PSD4: variants seen among roughly 807,000 people sequenced by gnomAD.
The protein encoded by PSD4 is pleckstrin and Sec7 domain containing 4.
Under a neutral mutation model 112.5 loss-of-function variants are expected in PSD4, and 59 were observed. The observed-to-expected ratio is 0.52, with a 90% CI of 0.43 to 0.65. The LOEUF is 0.65. PSD4 is among the 30% of genes least tolerant of loss of function. PSD4 has a pLI of 0.00. For missense variants in PSD4, 1,267 were observed against 1,352.6 expected (o/e 0.94, Z 0.99); for synonymous variants, 533 against 540.0 (o/e 0.99, Z 0.18).
intron 5 of PSD4, among the ~76,000 whole-genome samples, chr2:113,190,481 C>T (rs1162426534): frequency 6.6e-6 from 1 of 152,162 alleles, no homozygotes; most frequent in Non-Finnish European, 1.5e-5. Flanking sequence ...TGTTGCCCAG[C>T]CTGGAGTGTG....
At chr2:113,192,347 CTT>C (rs1322915200) in intron 5 of PSD4, 31 bp from the exon 6 acceptor site, 1 of 1,604,400 alleles carries the variant, frequency 6.2e-7, no homozygotes, top group East Asian at 2.2e-5. Flanking sequence ...TGCAAGAACA[CTT>C]GACCCAGAGC....
chr2:113,200,826 G>A (rs1688755821), intron 16 of PSD4, among the ~76,000 whole-genome samples: 1 of 152,166 alleles, frequency 6.6e-6, no homozygotes, highest in African/African-American at 2.4e-5. Context: ...TGTGTGTAGG[G>A]CTGCAAAGAT....
chr2:113,196,552 T>C (rs1027085624), intron 12 of PSD4: 15 of 453,402 alleles, frequency 3.3e-5, no homozygotes, highest in Non-Finnish European at 4.7e-5. Flanking sequence ...AGAGTCCCTG[T>C]AGTAAGGTAG....
intron 5 of PSD4, 44 bp from the exon 6 acceptor site, chr2:113,192,336 C>T (rs1688465258): frequency 1.9e-6 from 3 of 1,586,298 alleles, no homozygotes; most frequent in African/African-American, 1.3e-5. Flanking sequence ...CACAACTGAC[C>T]TGCAAGAACA....
rs200368046 is a variant in PSD4 at position 113,201,267 on chromosome 2, G to C, written c.3023G>C (p.Arg1008Pro). 6.2e-6 allele frequency: 10 copies of C among 1,614,146 alleles called. No individual in the cohort carries two copies. The East Asian group carries it at 2.2e-4, about 36-fold the overall frequency. ...CTGGGGAGGGAAGCTGGAGGCACTC[G>C]GGAGCCCAAGCTCAGCCTGAAGAAG... Reference protein sequence around the residue: ...EQLGREAGGTREPKLSLKKSH... With the variant: ...EQLGREAGGTPEPKLSLKKSH... The change falls in exon 17 of 17, where the codon CGG (arginine) becomes CCG (proline). Residue 1008 changes from arginine to proline, a missense_variant. This residue lies in a region of PSD4 where 544 missense variants were observed against 648.6 expected (regional missense o/e 0.84). Transcript: ENST00000245796.
chr2:113,196,334 G>A lies in PSD4; in HGVS notation c.2386+27G>A. 3 of 1,600,534 alleles carry A rather than the reference G, an allele frequency of 1.9e-6. No individual in the cohort carries two copies. The East Asian group carries it at 6.8e-5, about 36-fold the overall frequency. On this transcript the variant is annotated intron_variant, in intron 12 of 16. Transcript: ENST00000245796. Reference sequence around the variant, plus strand: ...TGAGTGTCTGCTGCCCACAAACAGGGTGGCGTGCTGGGAGCAGCCCTGCTC... The same window carrying A: ...TGAGTGTCTGCTGCCCACAAACAGGATGGCGTGCTGGGAGCAGCCCTGCTC...
intron 5 of PSD4, among the ~76,000 whole-genome samples, chr2:113,187,296 C>G (rs375745315): frequency 6.6e-6 from 1 of 152,162 alleles, no homozygotes; most frequent in Non-Finnish European, 1.5e-5. Context: ...ATGCAAGGCA[C>G]GTGGGATTGT....
In PSD4 at chr2:113,185,964, C is replaced by G. The variant is rs375903007; in HGVS notation, c.1337C>G (p.Pro446Arg). 6.1e-5 allele frequency: 98 copies of G among 1,614,004 alleles called. No individual in the cohort carries two copies. The highest frequency in any genetic ancestry group is 8.0e-5 in the Non-Finnish European group (94 of 1,179,954). ...PWRSPASSPE[P>R]SSPESESRGP... ...AGGAGCCCAGCTTCTTCTCCAGAGCCTAGCAGCCCAGAATCTGAGAGCAGA... is the reference window on the plus strand; with the variant it reads ...AGGAGCCCAGCTTCTTCTCCAGAGCGTAGCAGCCCAGAATCTGAGAGCAGA... The change falls in exon 5 of 17, where the codon CCT becomes CGT. Residue 446 changes from proline (P) to arginine (R), a missense_variant. By Grantham distance (103) the Pro-to-Arg change is moderately radical (BLOSUM62 -2). This residue lies in a region of PSD4 where 723 missense variants were observed against 704.0 expected (regional missense o/e 1.03). Coordinates refer to ENST00000245796, the MANE Select transcript of PSD4 (RefSeq NM_012455.3).
Position 113,196,270 on chromosome 2 carries a change from G to T in PSD4, c.2349G>T (p.Leu783=). 1.2e-6 allele frequency: 2 copies of T among 1,613,786 alleles called. No individual in the cohort carries two copies. The highest frequency in any genetic ancestry group is 2.2e-5 in the South Asian group (2 of 91,076). ...TGCCCACCTACAAGCAGGGCATCCT[G>T]GCTCGGAAAATGCATCAAGATGCAG... ...PTVPTYKQGI[L]ARKMHQDADG... The change falls in exon 12 of 17, where the codon CTG becomes CTT. Residue 783 remains leucine, a synonymous_variant. Coordinates refer to ENST00000245796, the MANE Select transcript of PSD4 (RefSeq NM_012455.3).
rs34479674 is a variant in PSD4, at chr2:113,181,227, C to CA, written c.-111-1103dup. ...CGGGTGACAGAGCGAGACTCTGTCTCAAAAAAAAAAAAAAAAGACAGCTGC... is the reference window on the plus strand; with the variant it reads ...CGGGTGACAGAGCGAGACTCTGTCTCAAAAAAAAAAAAAAAAAGACAGCTGC... On this transcript the variant is annotated intron_variant, in intron 1 of 16. Transcript: ENST00000245796. Among the ~76,000 whole-genome samples the CA allele has an allele frequency of 8.9e-3, 1,055 of 118,600 alleles. 8 individuals carry two copies. Among genetic ancestry groups the CA allele is most frequent in the East Asian group, 0.023 (97 of 4,134 alleles). 77.8% of individuals were successfully genotyped at this position (118,600 alleles called of 152,430 possible). A position where few individuals can be genotyped will look rare whatever the true frequency, so the allele number is the denominator to read the frequency against.
chr2:113,200,591 C>T (rs1688747824), intron 16 of PSD4, among the ~76,000 whole-genome samples: 1 of 152,182 alleles, frequency 6.6e-6, no homozygotes, highest in African/African-American at 2.4e-5. Context: ...ACCAGCCCTC[C>T]CTTCCGCAAT....
At position 113,186,171 on chromosome 2, in the gene PSD4, G is replaced by T. The variant is rs1201326498; in HGVS notation, c.1544G>T (p.Gly515Val). The change falls in exon 5 of 17, where the codon GGC becomes GTC. Residue 515 changes from glycine (G) to valine (V), a missense_variant. Around this residue, in one of 2 missense-constraint regions of PSD4, gnomAD observed 723 missense variants for 704.0 expected, o/e 1.03. Transcript: ENST00000245796. ...KKEAGEAPKP[G>V]EEVKSEGTAR... is the part of the protein sequence containing the mutation. ...GAGGCAGGGGAGGCCCCAAAACCAG[G>T]CGAGGAAGTAAAGAGTGAAGGAACA... 6.2e-7 allele frequency: 1 copy of T among 1,614,096 alleles called. No homozygotes were observed. The highest frequency in any genetic ancestry group is 1.7e-5 in the Admixed American group (1 of 60,028).
Position 113,198,843 on chromosome 2 carries a change from G to C in PSD4, c.2728G>C (p.Val910Leu). 6.3e-7 allele frequency: 1 copy of C among 1,598,774 alleles called. No individual in the cohort carries two copies. Among genetic ancestry groups the C allele is most frequent in the Non-Finnish European group, 8.5e-7 (1 of 1,178,490 alleles). Residue 910 changes from valine to leucine, a missense_variant, in exon 15 of 17, where the codon GTG becomes CTG. Val to Leu is a conservative substitution (Grantham distance 32, BLOSUM62 1). This residue lies in a region of PSD4 where 544 missense variants were observed against 648.6 expected (regional missense o/e 0.84). Coordinates refer to ENST00000245796, the MANE Select transcript of PSD4 (RefSeq NM_012455.3). ...PAAVGSQRRFVRPILPVGPAQ... is the reference protein window; with the variant it reads ...PAAVGSQRRFLRPILPVGPAQ... ...CGCTGTGGGCTCCCAGCGCAGATTCGTGCGGCCCATCCTGCCCGTGGGCCC... is the reference window on the plus strand; with the variant it reads ...CGCTGTGGGCTCCCAGCGCAGATTCCTGCGGCCCATCCTGCCCGTGGGCCC...
In PSD4 at chr2:113,201,558, G is replaced by A; in HGVS notation, c.*143G>A. 1 of 1,199,572 alleles carries A rather than the reference G, an allele frequency of 8.3e-7. No homozygotes were observed. Among genetic ancestry groups the A allele is most frequent in the Non-Finnish European group, 1.2e-6 (1 of 866,590 alleles). 74.3% of individuals were successfully genotyped at this position (1,199,572 alleles called of 1,614,324 possible). A position where few individuals can be genotyped will look rare whatever the true frequency, so the allele number is the denominator to read the frequency against. On this transcript the variant is annotated 3_prime_UTR_variant, in exon 17 of 17. Transcript: ENST00000245796. The stretch of plus-strand genomic sequence containing the variant: ...GCTGAAGGACAAACCTTGTTTCCCT[G>A]TGGCCCTCATTCTTGTGCTCCCTGA...
At chr2:113,198,955 G>A (rs777959396) in intron 15 of PSD4, 71 bp downstream of exon 15, 139 of 1,533,190 alleles carry the variant, frequency 9.1e-5, no homozygotes, top group South Asian at 2.4e-5. Flanking sequence ...GGACTAACTC[G>A]GGGAGGCTGG....
In PSD4 at chr2:113,199,006, G is replaced by C. The variant is rs45624539; in HGVS notation, c.2770-77G>C. 2,160 of 1,513,410 alleles carry C rather than the reference G, an allele frequency of 1.4e-3. 25 individuals are homozygous for C. In the African/African-American group the frequency reaches 0.026, roughly 18 times the overall value. 93.7% of individuals were successfully genotyped at this position (1,513,410 alleles called of 1,614,324 possible). ...TTGGCCTGGGAACCGAGGCGGCCAGGGGGGCGGCGCGCCCGGGCCCGGAAA... is the reference window on the plus strand; with the variant it reads ...TTGGCCTGGGAACCGAGGCGGCCAGCGGGGCGGCGCGCCCGGGCCCGGAAA... On this transcript the variant is annotated intron_variant, in intron 15 of 16. Transcript: ENST00000245796.
At chr2:113,195,678 G>T in intron 10 of PSD4, 49 bp from the exon 11 acceptor site, 1 of 1,610,564 alleles carries the variant, frequency 6.2e-7, no homozygotes, top group Non-Finnish European at 8.5e-7. Flanking sequence ...GAGACTTTAG[G>T]CTCCACAGCC....
chr2:113,182,534 G>A lies in PSD4; in HGVS notation c.78G>A (p.Glu26=), dbSNP rs776157593. The change falls in exon 2 of 17, where the codon GAG becomes GAA. Residue 26 remains glutamate, a synonymous_variant. Coordinates refer to ENST00000245796, the MANE Select transcript of PSD4 (RefSeq NM_012455.3). ...ILNLYLGDSL[E]PHPGECPRET... is the part of the protein sequence containing the mutation. ...ACCTGTACTTGGGAGACAGCCTGGA[G>A]CCCCACCCAGGAGAGTGCCCAAGGG... The A allele has an allele frequency of 6.2e-7, 1 of 1,614,184 alleles. No homozygotes were observed. Among genetic ancestry groups the A allele is most frequent in the Non-Finnish European group, 8.5e-7 (1 of 1,180,026 alleles).
intron 5 of PSD4, among the ~76,000 whole-genome samples, chr2:113,190,670 G>C (rs1023243699): frequency 6.6e-5 from 10 of 152,210 alleles, no homozygotes; most frequent in African/African-American, 2.4e-4. Flanking sequence ...CACAAGGCTG[G>C]TCTCCAACTC....
Sources: gnomAD v4.1 joint callset for allele counts (sites outside exome capture counted in the v4.1 genomes callset) on GRCh38, gnomAD v4.1.1 for gene constraint, gnomAD v4.1.1 regional missense constraint, MANE v1.5 for transcripts, NCBI Gene and HGNC (gene_info 2026-07-23, HGNC 2026-07-21) for gene names.